The following FBXW8 variants were observed in gnomAD, a reference collection of about 807,000 sequenced individuals.
FBXW8 encodes the protein F-box and WD repeat domain containing 8.
A neutral mutation model predicts 65.3 loss-of-function variants in FBXW8; 57 were observed. That is an observed-to-expected ratio of 0.87 (90% CI 0.71 to 1.09). The LOEUF is 1.09. Among genes scored for constraint, FBXW8 ranks in the 50% least tolerant of loss-of-function variants. FBXW8 has a pLI of 0.00. For missense variants in FBXW8, 777 were observed against 814.8 expected (o/e 0.95, Z 0.57); for synonymous variants, 308 against 330.2 (o/e 0.93, Z 0.73).
chr12:116,993,098 C>CTTTTTTTTTTTTT (rs71099026), intron 7 of FBXW8, among the ~76,000 whole-genome samples: 3 of 85,420 alleles, frequency 3.5e-5, no homozygotes, highest in Non-Finnish European at 6.2e-5. Flanking sequence ...TGATTTTTGA[C>CTTTTTTTTTTTTT]TTTTTTTTTT....
At chr12:116,979,178 C>T (rs1885139766) in intron 5 of FBXW8, 1 of 152,198 alleles carries the variant, frequency 6.6e-6, no homozygotes, top group Non-Finnish European at 1.5e-5. Context: ...TAGCACTTTC[C>T]AGATATCGAG....
chr12:117,008,262 A>G (rs1030946323), intron 7 of FBXW8, among the ~76,000 whole-genome samples: 2 of 152,226 alleles, frequency 1.3e-5, no homozygotes. Flanking sequence ...AGAACACTTG[A>G]AAGTGGATGC....
chr12:116,966,024 A>G (rs1884303370), intron 5 of FBXW8, among the ~76,000 whole-genome samples: 3 of 151,478 alleles, frequency 2.0e-5, no homozygotes, highest in African/African-American at 2.4e-5. Context: ...CAGCCTCCCA[A>G]AGTGCTAGCA....
At chr12:116,912,322 G>A (rs527414645) in intron 1 of FBXW8, among the ~76,000 whole-genome samples, 66 of 151,884 alleles carry the variant, frequency 4.3e-4, no homozygotes, top group Admixed American at 1.4e-3. Flanking sequence ...CGCGTAGCTG[G>A]GACTACACGC....
At chr12:116,919,315 T>C (rs747031925) in intron 1 of FBXW8, among the ~76,000 whole-genome samples, 9 of 152,206 alleles carry the variant, frequency 5.9e-5, no homozygotes, top group Non-Finnish European at 1.3e-4. Context: ...GCTATGGGGC[T>C]GGGCTCTGCA....
Position 117,030,066 on chromosome 12 carries a change from T to C in FBXW8, c.*1894T>C, listed in dbSNP as rs752803850. On this transcript the variant is annotated 3_prime_UTR_variant, in exon 11 of 11. Coordinates refer to ENST00000652555, the MANE Select transcript of FBXW8 (RefSeq NM_153348.3). ...CACACTCATTCCAGAGAAAACCGAGTCCTCTCAGTTGCACACGTGTACGTA... is the reference window on the plus strand; with the variant it reads ...CACACTCATTCCAGAGAAAACCGAGCCCTCTCAGTTGCACACGTGTACGTA... The C allele has an allele frequency of 3.3e-5, 5 of 151,880 alleles. No individual in the cohort carries two copies. The highest frequency in any genetic ancestry group is 4.8e-5 in the African/African-American group (2 of 41,300). 9.4% of individuals were successfully genotyped at this position (151,880 alleles called of 1,614,324 possible).
intron 6 of FBXW8, among the ~76,000 whole-genome samples, chr12:116,988,418 A>AG (rs1176499858): frequency 6.6e-6 from 1 of 152,200 alleles, no homozygotes; most frequent in African/African-American, 2.4e-5. Flanking sequence ...TGAAAGGTGA[A>AG]GCATCATATT....
intron 4 of FBXW8, among the ~76,000 whole-genome samples, chr12:116,959,594 TATG>T (rs1386324249): frequency 6.6e-6 from 1 of 152,244 alleles, no homozygotes; most frequent in Non-Finnish European, 1.5e-5. Context: ...GCTGGATACT[TATG>T]AAGAAGAAAG....
chr12:117,022,452 G>A (rs1271951347), intron 8 of FBXW8, among the ~76,000 whole-genome samples: 1 of 151,458 alleles, frequency 6.6e-6, no homozygotes, highest in Non-Finnish European at 1.5e-5. Flanking sequence ...CCAGGAGTTC[G>A]AGACCAGCCT....
At chr12:116,920,168 A>C (rs1490701775) in intron 1 of FBXW8, among the ~76,000 whole-genome samples, 1 of 152,152 alleles carries the variant, frequency 6.6e-6, no homozygotes, top group Non-Finnish European at 1.5e-5. Flanking sequence ...CCCCCAACTA[A>C]AAAGTTCTTA....
intron 7 of FBXW8, 29 bp downstream of exon 7, chr12:116,988,898 CA>C (rs766828897): frequency 8.9e-6 from 14 of 1,568,456 alleles, no homozygotes; most frequent in Non-Finnish European, 1.0e-5. Flanking sequence ...ATATAATTAA[CA>C]AAAAAGAATA....
chr12:116,927,007 A>G (rs554037360), intron 1 of FBXW8, among the ~76,000 whole-genome samples: 6 of 152,276 alleles, frequency 3.9e-5, no homozygotes, highest in African/African-American at 1.2e-4. Flanking sequence ...TGGTGAATTA[A>G]CAATTCGCTT....
At chr12:116,994,059 C>T (rs1264715724) in intron 7 of FBXW8, among the ~76,000 whole-genome samples, 1 of 152,176 alleles carries the variant, frequency 6.6e-6, no homozygotes, top group Non-Finnish European at 1.5e-5. Flanking sequence ...ATAGCCAAAG[C>T]AACCCTAAGC....
At chr12:116,959,732 G>A (rs531780783) in intron 4 of FBXW8, among the ~76,000 whole-genome samples, 60 of 152,228 alleles carry the variant, frequency 3.9e-4, no homozygotes, top group African/African-American at 1.4e-3. Context: ...ATTTTAAATT[G>A]TCAATCCCTC....
chr12:116,921,590 C>A (rs1026552280), intron 1 of FBXW8, among the ~76,000 whole-genome samples: 1 of 152,114 alleles, frequency 6.6e-6, no homozygotes, highest in African/African-American at 2.4e-5. Context: ...TTCTTATATA[C>A]TTGCTAACAG....
intron 5 of FBXW8, among the ~76,000 whole-genome samples, chr12:116,969,172 G>C (rs1884502762): frequency 6.6e-6 from 1 of 152,122 alleles, no homozygotes; most frequent in South Asian, 2.1e-4. Flanking sequence ...CTCAACGCCT[G>C]GGTAAAATCT....
In FBXW8 at chr12:117,029,412, C is replaced by T. The variant is rs1316740178; in HGVS notation, c.*1240C>T. 6.9e-6 allele frequency: 1 copy of T among 145,798 alleles called. No homozygotes were observed. Among genetic ancestry groups the T allele is most frequent in the African/African-American group, 2.4e-5 (1 of 41,032 alleles). The allele number at this position is 145,798 out of a possible 1,614,324, so 9.0% of individuals were successfully genotyped here. A position where few individuals can be genotyped will look rare whatever the true frequency, so the allele number is the denominator to read the frequency against. On this transcript the variant is annotated 3_prime_UTR_variant, in exon 11 of 11. Transcript: ENST00000652555. Reference sequence around the variant, plus strand: ...GGTTAATAAAAACAAACTATAAACTCTCTAGACTGGGCTGACAGTAAAAGC... The same window carrying T: ...GGTTAATAAAAACAAACTATAAACTTTCTAGACTGGGCTGACAGTAAAAGC...
At chr12:116,993,213 C>T (rs568308928) in intron 7 of FBXW8, among the ~76,000 whole-genome samples, 3 of 144,988 alleles carry the variant, frequency 2.1e-5, no homozygotes, top group East Asian at 2.1e-4. Flanking sequence ...AAGCAGTTCT[C>T]CAGCCTTAGC....
Position 116,911,325 on chromosome 12 carries a change from G to C in FBXW8, c.288G>C (p.Glu96Asp). Residue 96 changes from glutamate to aspartate, a missense_variant, in exon 1 of 11, where the codon GAG (glutamate) becomes GAC (aspartate). Glu to Asp is a conservative substitution (Grantham distance 45, BLOSUM62 2). Coordinates refer to ENST00000652555, the MANE Select transcript of FBXW8 (RefSeq NM_153348.3). The part of the protein sequence containing the change: ...PLAREGAGGG[E>D]QLVDQLIRDL... ...CCCGCGAGGGCGCCGGGGGCGGGGA[G>C]CAGCTGGTGGACCAGCTCATCCGCG... 7.8e-7 allele frequency: 1 copy of C among 1,284,702 alleles called. No individual in the cohort carries two copies. 79.6% of individuals were successfully genotyped at this position (1,284,702 alleles called of 1,614,324 possible).
Sources: allele counts gnomAD v4.1 joint callset (sites outside exome capture counted in the v4.1 genomes callset), GRCh38; gene constraint gnomAD v4.1.1; transcripts MANE v1.5; gene names NCBI Gene and HGNC (gene_info 2026-07-23, HGNC 2026-07-21).